CNTN5: variants seen among roughly 807,000 people sequenced by gnomAD.
CNTN5 encodes the protein contactin 5.
A neutral mutation model predicts 129.1 loss-of-function variants in CNTN5; 77 were observed. The ratio of observed to expected loss-of-function variants is 0.60; its 90% CI spans 0.50 to 0.72. CNTN5 has a LOEUF of 0.72. Ranked by LOEUF, CNTN5 falls within the 30% of genes least tolerant of loss-of-function variation. The probability of loss-of-function intolerance (pLI) is 0.00; values close to 1 mark genes in which losing one functional copy is unlikely to be tolerated. For missense variants in CNTN5, 1,478 were observed against 1,328.8 expected (o/e 1.11, Z -1.75); for synonymous variants, 509 against 465.6 (o/e 1.09, Z -1.20).
chr11:99,844,823 T>C, intron 4 of CNTN5, 29 bp from the exon 5 acceptor site: 1 of 1,583,994 alleles, frequency 6.3e-7, no homozygotes, highest in Non-Finnish European at 8.6e-7. Flanking sequence ...TTTAAGGAAA[T>C]TTAAAATGTG....
chr11:100,093,908 A>G (rs1944891573), intron 13 of CNTN5, among the ~76,000 whole-genome samples: 2 of 152,252 alleles, frequency 1.3e-5, no homozygotes, highest in South Asian at 4.1e-4. Flanking sequence ...GCTGGTCAGG[A>G]TTAACATTTC....
intron 1 of CNTN5, among the ~76,000 whole-genome samples, chr11:99,293,286 G>C (rs111595206): frequency 3.9e-4 from 59 of 152,192 alleles, no homozygotes; most frequent in African/African-American, 1.4e-3. Context: ...ATCCCAGTTG[G>C]TCATGGTGAA....
chr11:100,259,396 G>A (rs4550194), intron 17 of CNTN5, among the ~76,000 whole-genome samples: 132,743 of 152,038 alleles, frequency 0.87, 58,062 homozygotes, highest in East Asian at 0.99. Context: ...ACAAGACAGA[G>A]AATTAACAAG....
intron 2 of CNTN5, among the ~76,000 whole-genome samples, chr11:99,454,584 T>C (rs898190702): frequency 6.6e-6 from 1 of 152,110 alleles, no homozygotes; most frequent in Non-Finnish European, 1.5e-5. Context: ...ACCTCCGACC[T>C]ATAGCCCCTC....
intron 4 of CNTN5, among the ~76,000 whole-genome samples, chr11:99,837,237 A>T (rs1232561702): frequency 6.6e-6 from 1 of 152,212 alleles, no homozygotes; most frequent in African/African-American, 2.4e-5. Context: ...TAATGAAATT[A>T]CATCTTCTTT....
chr11:100,208,279 G>T (rs1948956049), intron 15 of CNTN5, among the ~76,000 whole-genome samples: 1 of 152,094 alleles, frequency 6.6e-6, no homozygotes, highest in South Asian at 2.1e-4. Flanking sequence ...GGCAATGTGG[G>T]TTGGGCTCAG....
intron 2 of CNTN5, among the ~76,000 whole-genome samples, chr11:99,452,502 A>G (rs916171237): frequency 6.0e-5 from 9 of 150,264 alleles, no homozygotes; most frequent in Non-Finnish European, 8.8e-5. Flanking sequence ...CCTCTCAAGT[A>G]GCTGGGACTA....
chr11:99,590,976 C>T (rs930486273), intron 3 of CNTN5, among the ~76,000 whole-genome samples: 1 of 152,022 alleles, frequency 6.6e-6, no homozygotes, highest in South Asian at 2.1e-4. Context: ...ACTATACATG[C>T]AAATAATAAA....
intron 7 of CNTN5, among the ~76,000 whole-genome samples, chr11:99,934,273 C>T (rs1438837225): frequency 2.0e-5 from 3 of 152,094 alleles, no homozygotes; most frequent in African/African-American, 7.2e-5. Flanking sequence ...TTTTCTTTCT[C>T]TTAGTTGAAG....
intron 8 of CNTN5, among the ~76,000 whole-genome samples, chr11:99,989,920 C>G (rs867329346): frequency 6.6e-6 from 1 of 152,066 alleles, no homozygotes. Context: ...TGCATGCCAC[C>G]ATGCACAGCT....
chr11:99,946,764 A>G (rs994469261), intron 7 of CNTN5, among the ~76,000 whole-genome samples: 1 of 151,196 alleles, frequency 6.6e-6, no homozygotes, highest in African/African-American at 2.4e-5. Flanking sequence ...TTTCCAAGAT[A>G]TACTTTCTTT....
intron 2 of CNTN5, among the ~76,000 whole-genome samples, chr11:99,502,130 C>G (rs1441514863): frequency 6.6e-6 from 1 of 152,122 alleles, no homozygotes; most frequent in African/African-American, 2.4e-5. Flanking sequence ...ACAGACAATT[C>G]AATTGTATTA....
At chr11:99,664,413 A>G (rs1952710178) in intron 3 of CNTN5, among the ~76,000 whole-genome samples, 1 of 152,084 alleles carries the variant, frequency 6.6e-6, no homozygotes, top group Non-Finnish European at 1.5e-5. Flanking sequence ...TAGAGTAGAG[A>G]GATCTCCAGG....
rs569086746 is a variant in CNTN5 at position 99,749,139 on chromosome 11, T to C, written c.56-70405T>C. Among the ~76,000 whole-genome samples the C allele has an allele frequency of 2.7e-3, 409 of 152,306 alleles. 3 individuals are homozygous for C. The highest frequency in any genetic ancestry group is 9.3e-3 in the African/African-American group (386 of 41,558). On this transcript the variant is annotated intron_variant, in intron 3 of 24. Coordinates refer to ENST00000524871, the MANE Select transcript of CNTN5 (RefSeq NM_014361.4). Reference sequence around the variant, plus strand: ...CATGGGTGGCTGAGATAGTGATACTTTGGCTTACTGATGGTTCAGTGTATA... The same window carrying C: ...CATGGGTGGCTGAGATAGTGATACTCTGGCTTACTGATGGTTCAGTGTATA...
chr11:100,108,459 A>G (rs528027613), intron 13 of CNTN5, among the ~76,000 whole-genome samples: 4 of 152,138 alleles, frequency 2.6e-5, no homozygotes, highest in Admixed American at 6.5e-5. Flanking sequence ...AGAGACACAT[A>G]TTTTCAGCAC....
chr11:99,259,027 T>G (rs967927411), intron 1 of CNTN5, among the ~76,000 whole-genome samples: 3 of 151,682 alleles, frequency 2.0e-5, no homozygotes, highest in African/African-American at 4.8e-5. Flanking sequence ...AAGTATAGTA[T>G]TATTTTCGAG....
chr11:99,476,730 G>A, intron 2 of CNTN5, among the ~76,000 whole-genome samples: 1 of 152,182 alleles, frequency 6.6e-6, no homozygotes, highest in East Asian at 1.9e-4. Flanking sequence ...CTTCTTAGTA[G>A]ATTCTGAATT....
chr11:100,051,443 T>A (rs1942950436), intron 9 of CNTN5, among the ~76,000 whole-genome samples: 1 of 151,970 alleles, frequency 6.6e-6, no homozygotes, highest in Admixed American at 6.6e-5. Context: ...TATTTTTAAC[T>A]GAATAATAAT....
chr11:100,030,731 G>A (rs2137612341), intron 9 of CNTN5, among the ~76,000 whole-genome samples: 1 of 152,164 alleles, frequency 6.6e-6, no homozygotes, highest in African/African-American at 2.4e-5. Flanking sequence ...GTCTTTTTCA[G>A]TTTACTTACT....
Sources: gnomAD v4.1 joint callset for allele counts (sites outside exome capture counted in the v4.1 genomes callset) on GRCh38, gnomAD v4.1.1 for gene constraint, MANE v1.5 for transcripts, NCBI Gene and HGNC (gene_info 2026-07-23, HGNC 2026-07-21) for gene names.